Variants in MIA3 observed in about 807,000 individuals in gnomAD.
The protein encoded by MIA3 is MIA SH3 domain ER export factor 3, also known as transport and Golgi organization protein 1 homolog.
A neutral mutation model predicts 192.4 loss-of-function variants in MIA3; 90 were observed. The ratio of observed to expected loss-of-function variants is 0.47; its 90% CI spans 0.39 to 0.56. MIA3 has a LOEUF of 0.56. Among genes scored for constraint, MIA3 ranks in the 20% least tolerant of loss-of-function variants. The pLI is 0.00. For synonymous variants in MIA3, 740 were observed against 792.8 expected (o/e 0.93, Z 1.12); for missense variants, 2,123 against 2,269.4 (o/e 0.94, Z 1.31).
chr1:222,655,441 TA>T (rs1296031558), intron 18 of MIA3, among the ~76,000 whole-genome samples: 1 of 152,236 alleles, frequency 6.6e-6, no homozygotes, highest in Non-Finnish European at 1.5e-5. Flanking sequence ...AAAAATAGGT[TA>T]TCTGTGGCAG....
chr1:222,629,785 C>G lies in MIA3; in HGVS notation c.2565C>G (p.Asn855Lys). 1 of 1,614,114 alleles carries G rather than the reference C, an allele frequency of 6.2e-7. No individual in the cohort carries two copies. The highest frequency in any genetic ancestry group is 8.5e-7 in the Non-Finnish European group (1 of 1,180,024). Residue 855 changes from asparagine (N) to lysine (K), a missense_variant, in exon 4 of 28, where the codon AAC (asparagine) becomes AAG (lysine). Coordinates refer to ENST00000344922, the MANE Select transcript of MIA3 (RefSeq NM_198551.4). ...ATAAAGATTCTGATTATCTGAAGAA[C>G]GACAACCCTGAGGAACATCTGAAGA... Reference protein sequence around the residue: ...FQNKDSDYLKNDNPEEHLKTS... With the variant: ...FQNKDSDYLKKDNPEEHLKTS...
At chr1:222,619,396 A>G (rs1340502415) in intron 1 of MIA3, among the ~76,000 whole-genome samples, 1 of 152,236 alleles carries the variant, frequency 6.6e-6, no homozygotes, top group African/African-American at 2.4e-5. Context: ...TGGTTTAGCT[A>G]TTTATATTCA....
chr1:222,618,631 G>A (rs1661720546), intron 1 of MIA3, among the ~76,000 whole-genome samples: 1 of 145,620 alleles, frequency 6.9e-6, no homozygotes, highest in Non-Finnish European at 1.5e-5. Flanking sequence ...AGATGTGGTT[G>A]CGCGCCGCGC....
In MIA3 at chr1:222,665,538, G is replaced by T. The variant is rs774619055; in HGVS notation, c.5643G>T (p.Pro1881=). The T allele has an allele frequency of 6.2e-7, 1 of 1,614,030 alleles. No individual in the cohort carries two copies. The highest frequency in any genetic ancestry group is 8.5e-7 in the Non-Finnish European group (1 of 1,179,990). The change falls in exon 28 of 28, where the codon CCG becomes CCT. Residue 1881 remains proline, a synonymous_variant. Transcript: ENST00000344922. ...PPPPAVRDLL[P]SGSRDEPPPA... ...CACCTGCTGTAAGAGACTTACTGCC[G>T]TCAGGCTCTAGAGATGAGCCTCCAC...
chr1:222,644,678 A>T (rs1663048201), intron 6 of MIA3: 1 of 1,350,276 alleles, frequency 7.4e-7, no homozygotes, highest in African/African-American at 1.4e-5. Flanking sequence ...GTCTGTGCAA[A>T]GGAGAAATGG....
chr1:222,640,717 A>G (rs140817628), intron 6 of MIA3, among the ~76,000 whole-genome samples: 1 of 152,348 alleles, frequency 6.6e-6, no homozygotes, highest in African/African-American at 2.4e-5. Context: ...CTTACAGTTG[A>G]CATCAAAAGT....
intron 8 of MIA3, 32 bp from the exon 9 acceptor site, chr1:222,650,260 A>G (rs777552341): frequency 4.0e-5 from 50 of 1,261,214 alleles, no homozygotes; most frequent in Non-Finnish European, 5.1e-5. Context: ...TTTAGTGATC[A>G]TAATAACCTT....
intron 6 of MIA3, among the ~76,000 whole-genome samples, chr1:222,643,785 A>G (rs907710634): frequency 6.7e-6 from 1 of 148,288 alleles, no homozygotes; most frequent in Non-Finnish European, 1.5e-5. Context: ...GCCACCATCT[A>G]AAAAAAAAAG....
At position 222,662,252 on chromosome 1, in the gene MIA3, G is replaced by T; in HGVS notation, c.5183-1G>T. The T allele has an allele frequency of 6.2e-7, 1 of 1,613,656 alleles. No individual in the cohort carries two copies. The highest frequency in any genetic ancestry group is 8.5e-7 in the Non-Finnish European group (1 of 1,179,626). On this transcript the variant is annotated splice_acceptor_variant, in intron 25 of 27. Coordinates refer to ENST00000344922, the MANE Select transcript of MIA3 (RefSeq NM_198551.4). LOFTEE classifies it high-confidence loss of function. Reference sequence around the variant, plus strand: ...TACATCAGTTCTCTGGTCTTTAACAGATCCAGGATCTGGTACAGCTACCAT... The same window carrying T: ...TACATCAGTTCTCTGGTCTTTAACATATCCAGGATCTGGTACAGCTACCAT...
In MIA3 at chr1:222,630,325, A is replaced by G; in HGVS notation, c.3105A>G (p.Ala1035=). 1 of 1,614,120 alleles carries G rather than the reference A, an allele frequency of 6.2e-7. No homozygotes were observed. The highest frequency in any genetic ancestry group is 8.5e-7 in the Non-Finnish European group (1 of 1,179,978). The part of the protein sequence containing the change: ...IYFVRYKHST[A]EETATLVMAP... ...TTGTCAGGTACAAGCACTCCACAGC[A>G]GAGGAGACAGCCACACTGGTGATGG... is the stretch of plus-strand genomic sequence containing the variant. The change falls in exon 4 of 28, where the codon GCA becomes GCG. Residue 1035 remains alanine (A), a synonymous_variant. Transcript: ENST00000344922.
At chr1:222,635,916 A>G (rs978257446) in intron 6 of MIA3, among the ~76,000 whole-genome samples, 2 of 152,220 alleles carry the variant, frequency 1.3e-5, no homozygotes, top group African/African-American at 4.8e-5. Context: ...TTTCATTCTT[A>G]TACTGACTCC....
At chr1:222,632,050 A>C in intron 4 of MIA3, 115 bp from the exon 5 acceptor site, 1 of 800,168 alleles carries the variant, frequency 1.2e-6, no homozygotes, top group Non-Finnish European at 2.0e-6. Flanking sequence ...GTTGTGCTCC[A>C]TGGGATGCCC....
intron 6 of MIA3, among the ~76,000 whole-genome samples, chr1:222,633,539 T>G (rs893816841): frequency 6.6e-6 from 1 of 152,114 alleles, no homozygotes; most frequent in Non-Finnish European, 1.5e-5. Flanking sequence ...TCACTTGAAA[T>G]GTAACATGAT....
In MIA3 at chr1:222,629,789, A is replaced by C. The variant is rs1030881052; in HGVS notation, c.2569A>C (p.Asn857His). Reference sequence around the variant, plus strand: ...AGATTCTGATTATCTGAAGAACGACAACCCTGAGGAACATCTGAAGACCTC... The same window carrying C: ...AGATTCTGATTATCTGAAGAACGACCACCCTGAGGAACATCTGAAGACCTC... Reference protein sequence around the residue: ...NKDSDYLKNDNPEEHLKTSGL... With the variant: ...NKDSDYLKNDHPEEHLKTSGL... The change falls in exon 4 of 28, where the codon AAC becomes CAC. Residue 857 changes from asparagine (N) to histidine (H), a missense_variant. By Grantham distance (68) the Asn-to-His change is moderately conservative. This residue lies in a region of MIA3 where 1,357 missense variants were observed against 1,396.1 expected (regional missense o/e 0.97). Transcript: ENST00000344922. 1 of 1,614,200 alleles carries C rather than the reference A, an allele frequency of 6.2e-7. No homozygotes were observed.
In MIA3 at chr1:222,642,322, T is replaced by C. The variant is rs1236763652; in HGVS notation, c.3478-3232T>C. 2.0e-5 allele frequency among the ~76,000 whole-genome samples: 3 copies of C among 152,196 alleles called. No homozygotes were observed. The East Asian group carries it at 5.8e-4, about 29-fold the overall frequency. ...GAAAAAAAATCCTAACTTTCTTAGA[T>C]AAAAGTAGTAGTCTCTACTTTTCTC... On this transcript the variant is annotated intron_variant, in intron 6 of 27. Coordinates refer to ENST00000344922, the MANE Select transcript of MIA3 (RefSeq NM_198551.4).
chr1:222,618,620 T>C (rs1264483083), intron 1 of MIA3, among the ~76,000 whole-genome samples: 6 of 141,922 alleles, frequency 4.2e-5, no homozygotes, highest in African/African-American at 1.3e-4. Context: ...GCTCGGAGGG[T>C]AGATGTGGTT....
At chr1:222,648,890 C>T in intron 8 of MIA3, 40 bp downstream of exon 8, 3 of 1,290,404 alleles carry the variant, frequency 2.3e-6, no homozygotes, top group Non-Finnish European at 3.3e-6. Context: ...ACTAGTCCCT[C>T]TGTATTGGTG....
intron 10 of MIA3, 36 bp downstream of exon 10, chr1:222,650,747 A>G: frequency 6.4e-7 from 1 of 1,564,972 alleles, no homozygotes; most frequent in Non-Finnish European, 8.7e-7. Context: ...TTTTAAAACA[A>G]AAGTAAAAGT....
intron 4 of MIA3, among the ~76,000 whole-genome samples, chr1:222,631,212 C>T (rs1662386104): frequency 6.6e-6 from 1 of 151,834 alleles, no homozygotes; most frequent in Admixed American, 6.6e-5. Flanking sequence ...GCCTCCAACT[C>T]CTAGGCCCAA....
Sources: gnomAD v4.1 joint callset for allele counts (sites outside exome capture counted in the v4.1 genomes callset) on GRCh38, gnomAD v4.1.1 for gene constraint, gnomAD v4.1.1 regional missense constraint, MANE v1.5 for transcripts, NCBI Gene and HGNC (gene_info 2026-07-23, HGNC 2026-07-21) for gene names.